CWF19L2: variants seen among roughly 807,000 people sequenced by gnomAD.
CWF19L2 encodes CWF19 like cell cycle control factor 2.
Under a neutral mutation model 111.7 loss-of-function variants are expected in CWF19L2, and 98 were observed. That is an observed-to-expected ratio of 0.88 (90% CI 0.75 to 1.04). The LOEUF is 1.04. Among genes scored for constraint, CWF19L2 ranks in the 50% least tolerant of loss-of-function variants. The pLI, the probability that CWF19L2 is intolerant of heterozygous loss-of-function variation, is 0.00. For missense variants in CWF19L2, 1,101 were observed against 1,051.4 expected (o/e 1.05, Z -0.65); for synonymous variants, 351 against 342.9 (o/e 1.02, Z -0.26).
rs561278657 is a variant in CWF19L2, at chr11:107,411,083, G to A, written c.1617+5126C>T. Among the ~76,000 whole-genome samples, 24 of 69,288 alleles carry A rather than the reference G, an allele frequency of 3.5e-4. No homozygotes were observed. The East Asian group carries it at 5.6e-3, about 16-fold the overall frequency. 45.5% of individuals were successfully genotyped at this position (69,288 alleles called of 152,430 possible). Reference sequence around the variant, plus strand: ...AAGAGTGTGGTGTGTGTGTGCGCGCGTGCGTGCACACACACACACACACAC... The same window carrying A: ...AAGAGTGTGGTGTGTGTGTGCGCGCATGCGTGCACACACACACACACACAC... On this transcript the variant is annotated intron_variant, in intron 10 of 17. Transcript: ENST00000282251.
chr11:107,336,596 GA>G lies in CWF19L2; in HGVS notation c.2319del (p.Lys775ArgfsTer15). On this transcript the variant is annotated frameshift_variant, in exon 15 of 18. Transcript: ENST00000282251. LOFTEE classifies it high-confidence loss of function. ...QYHMVYECIP[L>X]PKEVGDMAPI... ...GGAGCCATGTCACCCACTTCCTTGGGAAGAGGAATACATTCATAAACCATGT... is the reference window on the plus strand; with the variant it reads ...GGAGCCATGTCACCCACTTCCTTGGGAGAGGAATACATTCATAAACCATGT... 1 of 1,603,910 alleles carries G rather than the reference GA, an allele frequency of 6.2e-7. No individual in the cohort carries two copies. The highest frequency in any genetic ancestry group is 8.5e-7 in the Non-Finnish European group (1 of 1,176,680).
intron 10 of CWF19L2, among the ~76,000 whole-genome samples, chr11:107,394,211 C>A (rs1279103786): frequency 6.6e-6 from 1 of 151,952 alleles, no homozygotes; most frequent in Non-Finnish European, 1.5e-5. Flanking sequence ...ATAATATATA[C>A]CTATTATTGA....
At chr11:107,394,436 G>A (rs141980517) in intron 10 of CWF19L2, among the ~76,000 whole-genome samples, 2 of 152,160 alleles carry the variant, frequency 1.3e-5, no homozygotes, top group Non-Finnish European at 2.9e-5. Flanking sequence ...AAAATACTAA[G>A]TCCAATACAT....
chr11:107,443,726 G>A (rs1230245685), intron 3 of CWF19L2, among the ~76,000 whole-genome samples: 2 of 152,258 alleles, frequency 1.3e-5, no homozygotes, highest in East Asian at 3.9e-4. Context: ...CCAGGTAAAC[G>A]AATTTGCTGT....
At chr11:107,454,126 C>T (rs1565292107) in intron 3 of CWF19L2, among the ~76,000 whole-genome samples, 1 of 152,222 alleles carries the variant, frequency 6.6e-6, no homozygotes, top group South Asian at 2.1e-4. Context: ...GGCTTCATCA[C>T]CTGCTGATTG....
intron 3 of CWF19L2, among the ~76,000 whole-genome samples, chr11:107,451,148 CATA>C (rs1861772905): frequency 6.6e-6 from 1 of 151,518 alleles, no homozygotes; most frequent in Non-Finnish European, 1.5e-5. Context: ...CAGAGTATAA[CATA>C]ATAATTAAAA....
intron 10 of CWF19L2, chr11:107,403,860 A>G: frequency 2.5e-6 from 2 of 801,684 alleles, no homozygotes; most frequent in South Asian, 1.4e-5. Flanking sequence ...CTTTCTAGGA[A>G]TTTCCTCTTC....
At chr11:107,397,019 G>A (rs1375896826) in intron 10 of CWF19L2, among the ~76,000 whole-genome samples, 3 of 152,154 alleles carry the variant, frequency 2.0e-5, no homozygotes, top group Non-Finnish European at 2.9e-5. Flanking sequence ...CTGGGATCTC[G>A]CTGGGTCCCC....
intron 10 of CWF19L2, chr11:107,404,351 A>T (rs1365263920): frequency 1.3e-6 from 1 of 791,316 alleles, no homozygotes; most frequent in Admixed American, 1.7e-5. Flanking sequence ...TTGGTCCCAG[A>T]CCTTTCAGCT....
intron 14 of CWF19L2, among the ~76,000 whole-genome samples, chr11:107,339,912 C>T (rs1264486933): frequency 6.6e-6 from 1 of 152,094 alleles, no homozygotes; most frequent in East Asian, 1.9e-4. Flanking sequence ...AGGTGATCCA[C>T]CTGCCTCAGC....
At chr11:107,403,738 C>T in intron 10 of CWF19L2, 1 of 872,790 alleles carries the variant, frequency 1.1e-6, no homozygotes, top group Non-Finnish European at 2.0e-6. Context: ...TTTCCTCCTG[C>T]TTTTTGCCGG....
rs534285753 is a variant in CWF19L2, at chr11:107,373,488, G to T, written c.1872+16586C>A. On this transcript the variant is annotated intron_variant, in intron 12 of 17. Transcript: ENST00000282251. ...CCTGACCCCCGAGCAGCCTAACTGG[G>T]AGGCACCCCCCAGGAGGGGCAGACT... Among the ~76,000 whole-genome samples, 273 of 108,856 alleles carry T rather than the reference G, an allele frequency of 2.5e-3. 58 individuals are homozygous for T. The highest frequency in any genetic ancestry group is 9.1e-3 in the African/African-American group (267 of 29,262). 71.4% of individuals were successfully genotyped at this position (108,856 alleles called of 152,430 possible). A position where few individuals can be genotyped will look rare whatever the true frequency, so the allele number is the denominator to read the frequency against.
rs190374283 is a variant in CWF19L2 at position 107,361,561 on chromosome 11, T to C, written c.1873-7825A>G. 1.6e-4 allele frequency among the ~76,000 whole-genome samples: 25 copies of C among 152,364 alleles called. No homozygotes were observed. The East Asian group carries it at 4.6e-3, about 28-fold the overall frequency. ...ATTATAATCAACCTGTAGATTACTC[T>C]GGCCAGTATGGCAATTTTAATGATA... On this transcript the variant is annotated intron_variant, in intron 12 of 17. Transcript: ENST00000282251.
intron 16 of CWF19L2, among the ~76,000 whole-genome samples, chr11:107,333,985 C>T (rs553025798): frequency 7.8e-4 from 119 of 152,284 alleles, no homozygotes; most frequent in Admixed American, 2.4e-3. Context: ...ATAAGCAATA[C>T]CTAAGCAAAT....
chr11:107,452,775 G>T (rs747140974), intron 3 of CWF19L2, among the ~76,000 whole-genome samples: 1 of 152,166 alleles, frequency 6.6e-6, no homozygotes, highest in Non-Finnish European at 1.5e-5. Flanking sequence ...GAGATCACTA[G>T]AGCCCAGGAG....
Position 107,402,873 on chromosome 11 carries a change from G to GTGTATATATATATA in CWF19L2, c.1618-9979_1618-9978insTATATATATATACA, listed in dbSNP as rs1247886311. On this transcript the variant is annotated intron_variant, in intron 10 of 17. Coordinates refer to ENST00000282251, the MANE Select transcript of CWF19L2 (RefSeq NM_152434.3). ...CGAGTGGATAAACAAACTGTGGTGT[G>GTGTATATATATATA]TATATATATATATATATATATATAT... Among the ~76,000 whole-genome samples the GTGTATATATATATA allele has an allele frequency of 5.3e-5, 5 of 94,456 alleles. 1 individual carries two copies. Among genetic ancestry groups the GTGTATATATATATA allele is most frequent in the African/African-American group, 2.4e-4 (5 of 20,722 alleles). The allele number at this position is 94,456 out of a possible 152,430, so 62.0% of individuals were successfully genotyped here.
chr11:107,445,025 G>A (rs1264213997), intron 3 of CWF19L2, among the ~76,000 whole-genome samples: 2 of 152,062 alleles, frequency 1.3e-5, no homozygotes, highest in Non-Finnish European at 2.9e-5. Flanking sequence ...TAAGAAATGG[G>A]AAGGCATTGG....
intron 9 of CWF19L2, among the ~76,000 whole-genome samples, chr11:107,417,816 A>G (rs1861248844): frequency 1.3e-5 from 2 of 151,460 alleles, no homozygotes; most frequent in Admixed American, 1.3e-4. Flanking sequence ...GAGTGCTGCA[A>G]TGGCGTGATC....
intron 8 of CWF19L2, among the ~76,000 whole-genome samples, chr11:107,425,373 C>A (rs11212225): frequency 0.028 from 4,188 of 151,968 alleles, 109 homozygotes; most frequent in East Asian, 0.11. Context: ...TGTATTATTA[C>A]TGGACCTTTT....
Sources: gnomAD v4.1 joint callset for allele counts (sites outside exome capture counted in the v4.1 genomes callset) on GRCh38, gnomAD v4.1.1 for gene constraint, MANE v1.5 for transcripts, NCBI Gene and HGNC (gene_info 2026-07-23, HGNC 2026-07-21) for gene names.